OR5A1: variants seen among roughly 807,000 people sequenced by gnomAD.
The protein encoded by OR5A1 is olfactory receptor family 5 subfamily A member 1, also known as olfactory receptor 5A1.
Under a neutral mutation model 6.7 loss-of-function variants are expected in OR5A1, and 6 were observed. The observed-to-expected ratio is 0.89, with a 90% CI of 0.49 to 1.76. The LOEUF (loss-of-function observed/expected upper bound fraction) is 1.76. Among genes scored for constraint, OR5A1 ranks in the 40% most tolerant of loss-of-function variants. The pLI, the probability that OR5A1 is intolerant of heterozygous loss-of-function variation, is 0.01. For synonymous variants in OR5A1, 170 were observed against 155.0 expected, an observed-to-expected ratio of 1.10 and a Z score of -0.72; for missense variants, 378 against 381.7, an observed-to-expected ratio of 0.99 and a Z score of 0.08.
At chr11:59,440,968 G>A (rs1157955678) in intron 1 of OR5A1, among the ~76,000 whole-genome samples, 1 of 152,148 alleles carries the variant, frequency 6.6e-6, no homozygotes, top group Non-Finnish European at 1.5e-5. Context: ...AAAATAAGTA[G>A]AAGGAACTAT....
Sources: gnomAD v4.1 joint callset for allele counts (sites outside exome capture counted in the v4.1 genomes callset) on GRCh38, gnomAD v4.1.1 for gene constraint, MANE v1.5 for transcripts, NCBI Gene and HGNC (gene_info 2026-07-23, HGNC 2026-07-21) for gene names.